The following TET1 variants were observed in gnomAD, a reference collection of about 807,000 sequenced individuals.
TET1 encodes methylcytosine dioxygenase TET1.
Under a neutral mutation model 148.7 loss-of-function variants are expected in TET1, and 13 were observed. The observed-to-expected ratio is 0.09, with a 90% CI of 0.06 to 0.14. The LOEUF (loss-of-function observed/expected upper bound fraction) is 0.14. Ranked by LOEUF, TET1 falls within the 10% of genes least tolerant of loss-of-function variation. The pLI is 1.00. For synonymous variants in TET1, 907 were observed against 937.2 expected, an observed-to-expected ratio of 0.97 and a Z score of 0.59; for missense variants, 2,182 against 2,553.8, an observed-to-expected ratio of 0.85 and a Z score of 3.14.
intron 2 of TET1, among the ~76,000 whole-genome samples, chr10:68,589,798 A>C (rs772323025): frequency 2.6e-5 from 4 of 151,252 alleles, no homozygotes; most frequent in Non-Finnish European, 4.4e-5. Context: ...CTACCTCCCA[A>C]GTAGCGGGGA....
chr10:68,629,497 T>TATTTTTAATATTGCCTTAA lies in TET1; in HGVS notation c.1969-15198_1969-15180dup, dbSNP rs546032508. Among the ~76,000 whole-genome samples, 564 of 152,182 alleles carry TATTTTTAATATTGCCTTAA rather than the reference T, an allele frequency of 3.7e-3. 5 individuals carry two copies. Among genetic ancestry groups the TATTTTTAATATTGCCTTAA allele is most frequent in the African/African-American group, 0.013 (546 of 41,542 alleles). On this transcript the variant is annotated intron_variant, in intron 3 of 11. Transcript: ENST00000373644. ...TGTAAGTATTTTTGAAATGTTGAGA[T>TATTTTTAATATTGCCTTAA]ATTTTTAATATTGCCTTAAATAAAA...
At chr10:68,575,995 G>A (rs1323500182) in intron 2 of TET1, among the ~76,000 whole-genome samples, 2 of 150,184 alleles carry the variant, frequency 1.3e-5, no homozygotes, top group Non-Finnish European at 3.0e-5. Flanking sequence ...ACTCCAGCCT[G>A]GGTGACAGAG....
chr10:68,651,827 A>G lies in TET1; in HGVS notation c.4277-19A>G. ...AATTCTGTAAAGCTTTGGGTCTAAT[A>G]ATCTTATTCCTTCCACAGATCGAGT... On this transcript the variant is annotated intron_variant, in intron 4 of 11. Transcript: ENST00000373644. 1 of 1,591,768 alleles carries G rather than the reference A, an allele frequency of 6.3e-7. No individual in the cohort carries two copies. Among genetic ancestry groups the G allele is most frequent in the Non-Finnish European group, 8.6e-7 (1 of 1,166,752 alleles).
chr10:68,592,009 G>A (rs2053924058), intron 2 of TET1, among the ~76,000 whole-genome samples: 3 of 152,076 alleles, frequency 2.0e-5, no homozygotes, highest in Admixed American at 6.6e-5. Flanking sequence ...ATACAAGGGT[G>A]TTTTCTAGCT....
At chr10:68,592,188 C>CAT (rs1564956952) in intron 2 of TET1, among the ~76,000 whole-genome samples, 37 of 151,856 alleles carry the variant, frequency 2.4e-4, no homozygotes, top group African/African-American at 8.5e-4. Context: ...TGGTGGCGGG[C>CAT]GCCTGTAATC....
At chr10:68,577,992 A>G (rs990949394) in intron 2 of TET1, among the ~76,000 whole-genome samples, 10 of 152,182 alleles carry the variant, frequency 6.6e-5, no homozygotes, top group African/African-American at 2.2e-4. Context: ...AAATAAATAA[A>G]TAACACTGAT....
chr10:68,686,582 C>A lies in TET1; in HGVS notation c.5279C>A (p.Ala1760Glu). 1 of 1,614,054 alleles carries A rather than the reference C, an allele frequency of 6.2e-7. No homozygotes were observed. Among genetic ancestry groups the A allele is most frequent in the South Asian group, 1.1e-5 (1 of 91,078 alleles). ...PVPRSGKKRA[A>E]MMTEVLAHKI... ...CCCCGTTCTGGAAAGAAGAGGGCTG[C>A]GATGATGACAGAGGTTCTTGCACAT... is the stretch of plus-strand genomic sequence containing the variant. Residue 1760 changes from alanine (A) to glutamate (E), a missense_variant, in exon 11 of 12, where the codon GCG (alanine) becomes GAG (glutamate). Transcript: ENST00000373644.
intron 3 of TET1, among the ~76,000 whole-genome samples, chr10:68,635,458 G>C (rs1435118513): frequency 1.3e-5 from 2 of 151,958 alleles, no homozygotes; most frequent in Non-Finnish European, 2.9e-5. Context: ...CAGTTTATAG[G>C]AATACATTGA....
chr10:68,629,093 G>A (rs909180591), intron 3 of TET1, among the ~76,000 whole-genome samples: 2 of 152,048 alleles, frequency 1.3e-5, no homozygotes, highest in Admixed American at 6.6e-5. Flanking sequence ...TGCCGGGCGC[G>A]GTGGCTCATG....
At chr10:68,667,347 A>G (rs1051696438) in intron 7 of TET1, 91 bp downstream of exon 7, 2 of 1,036,862 alleles carry the variant, frequency 1.9e-6, no homozygotes, top group South Asian at 1.7e-5. Context: ...TGTATATTAT[A>G]TGGGAGAATA....
Position 68,642,303 on chromosome 10 carries a change from A to C in TET1, c.1969-2395A>C, listed in dbSNP as rs530377076. Among the ~76,000 whole-genome samples the C allele has an allele frequency of 3.9e-5, 6 of 152,238 alleles. No individual in the cohort carries two copies. In the South Asian group the frequency reaches 1.2e-3, roughly 32 times the overall value. ...ATATAAATTAACCAGTTGTGGTTAC[A>C]GGCGCCTGTAGACCCAGCTACTCAG... On this transcript the variant is annotated intron_variant, in intron 3 of 11. Coordinates refer to ENST00000373644, the MANE Select transcript of TET1 (RefSeq NM_030625.3).
chr10:68,592,677 T>TA (rs1248014053), intron 2 of TET1, among the ~76,000 whole-genome samples: 1 of 152,128 alleles, frequency 6.6e-6, no homozygotes, highest in African/African-American at 2.4e-5. Context: ...TGGGTGCTGT[T>TA]ACCTCCATGT....
chr10:68,629,170 GCCTGAA>G (rs1249223597), intron 3 of TET1, among the ~76,000 whole-genome samples: 1 of 152,026 alleles, frequency 6.6e-6, no homozygotes, highest in African/African-American at 2.4e-5. Context: ...TTTGAGATCA[GCCTGAA>G]CCACATGGTG....
chr10:68,636,587 T>A (rs1235527898), intron 3 of TET1, among the ~76,000 whole-genome samples: 1 of 152,122 alleles, frequency 6.6e-6, no homozygotes, highest in Admixed American at 6.5e-5. Context: ...CTTCAGGGGA[T>A]CCCTTGAGCC....
At chr10:68,652,049 T>A in intron 5 of TET1, 113 bp downstream of exon 5, 1 of 992,320 alleles carries the variant, frequency 1.0e-6, no homozygotes, top group Non-Finnish European at 1.5e-6. Context: ...GGAGTATGAG[T>A]TGGATGTTTC....
intron 3 of TET1, among the ~76,000 whole-genome samples, chr10:68,613,330 T>G (rs1245324830): frequency 6.6e-6 from 1 of 152,210 alleles, no homozygotes; most frequent in Non-Finnish European, 1.5e-5. Flanking sequence ...TAAAAAAATC[T>G]TTTGATTTGA....
intron 3 of TET1, among the ~76,000 whole-genome samples, chr10:68,624,658 T>TCTC (rs2054439423): frequency 3.1e-5 from 3 of 95,274 alleles, no homozygotes; most frequent in Admixed American, 2.2e-4. Context: ...CTTTCTTTCT[T>TCTC]TCTCTCTCTC....
At chr10:68,656,764 G>T (rs928705667) in intron 6 of TET1, among the ~76,000 whole-genome samples, 4 of 152,128 alleles carry the variant, frequency 2.6e-5, no homozygotes, top group Non-Finnish European at 4.4e-5. Flanking sequence ...GGTGGCTCAC[G>T]CCTGTAATCC....
chr10:68,583,432 T>G (rs577484430), intron 2 of TET1, among the ~76,000 whole-genome samples: 6 of 150,442 alleles, frequency 4.0e-5, no homozygotes, highest in African/African-American at 1.4e-4. Context: ...GGCATTACCT[T>G]GACAATGAGA....
Sources: allele counts gnomAD v4.1 joint callset (sites outside exome capture counted in the v4.1 genomes callset), GRCh38; gene constraint gnomAD v4.1.1; transcripts MANE v1.5; gene names NCBI Gene and HGNC (gene_info 2026-07-23, HGNC 2026-07-21).